TENM2: variants seen among roughly 807,000 people sequenced by gnomAD.
The protein encoded by TENM2 is teneurin-2.
A neutral mutation model predicts 245.2 loss-of-function variants in TENM2; 52 were observed. The ratio of observed to expected loss-of-function variants is 0.21; its 90% CI spans 0.17 to 0.27. The LOEUF (loss-of-function observed/expected upper bound fraction) is 0.27, where lower values mean the gene tolerates loss of function less well. Ranked by LOEUF, TENM2 falls within the 10% of genes least tolerant of loss-of-function variation. TENM2 has a pLI of 1.00. For synonymous variants in TENM2, 1,363 were observed against 1,438.9 expected, an observed-to-expected ratio of 0.95 and a Z score of 1.19; for missense variants, 3,046 against 3,666.8, an observed-to-expected ratio of 0.83 and a Z score of 4.37.
chr5:166,999,717 A>G, the TENM2 span, among the ~76,000 whole-genome samples: 2 of 152,140 alleles, frequency 1.3e-5, no homozygotes, highest in African/African-American at 4.8e-5. Context: ...GAACAAAACA[A>G]GTTTTCGAGG....
At chr5:167,661,209 G>A (rs368652849) in intron 2 of TENM2, among the ~76,000 whole-genome samples, 16 of 152,276 alleles carry the variant, frequency 1.1e-4, no homozygotes, top group African/African-American at 3.1e-4. Context: ...AAATTTGAAA[G>A]CATTAATTCC....
chr5:168,257,458 C>G (rs1459393655), intron 27 of TENM2, among the ~76,000 whole-genome samples: 1 of 152,090 alleles, frequency 6.6e-6, no homozygotes, highest in African/African-American at 2.4e-5. Context: ...AAGAACAGCA[C>G]AGAGGCAGGA....
intron 5 of TENM2, among the ~76,000 whole-genome samples, chr5:167,996,274 T>A (rs1784040918): frequency 6.6e-6 from 1 of 151,864 alleles, no homozygotes; most frequent in Admixed American, 6.6e-5. Flanking sequence ...AGATGCCCAG[T>A]TCCTACCCAC....
chr5:167,859,383 G>C (rs1204253106), intron 2 of TENM2, among the ~76,000 whole-genome samples: 1 of 145,928 alleles, frequency 6.9e-6, no homozygotes, highest in African/African-American at 2.5e-5. Context: ...GGAGGTGGGG[G>C]GGGTCAGCCC....
chr5:168,112,271 A>G (rs1426347077), intron 9 of TENM2, among the ~76,000 whole-genome samples: 2 of 152,046 alleles, frequency 1.3e-5, no homozygotes, highest in East Asian at 1.9e-4. Context: ...GGTTCGTTAC[A>G]TAGGTAAACT....
intron 2 of TENM2, among the ~76,000 whole-genome samples, chr5:167,869,417 C>T (rs1475662096): frequency 1.3e-5 from 2 of 152,106 alleles, no homozygotes; most frequent in African/African-American, 4.8e-5. Flanking sequence ...TTGATTCTTA[C>T]CTTTGGGTAT....
intron 4 of TENM2, among the ~76,000 whole-genome samples, chr5:167,962,976 G>A (rs1257377869): frequency 6.6e-6 from 1 of 152,152 alleles, no homozygotes; most frequent in Non-Finnish European, 1.5e-5. Context: ...GCTATGTTAG[G>A]TACTGGCAAG....
At chr5:167,863,828 G>A (rs148062848) in intron 2 of TENM2, among the ~76,000 whole-genome samples, 144 of 152,208 alleles carry the variant, frequency 9.5e-4, no homozygotes, top group African/African-American at 3.3e-3. Context: ...CTTCCTAACT[G>A]TACGCTAGTG....
At chr5:167,483,359 C>T (rs891954306) in intron 2 of TENM2, among the ~76,000 whole-genome samples, 2 of 152,122 alleles carry the variant, frequency 1.3e-5, no homozygotes, top group Non-Finnish European at 2.9e-5. Context: ...AAGATAGTCT[C>T]AGATGCATAA....
chr5:167,373,333 A>G (rs1199283500), intron 1 of TENM2, among the ~76,000 whole-genome samples: 1 of 152,234 alleles, frequency 6.6e-6, no homozygotes, highest in Non-Finnish European at 1.5e-5. Flanking sequence ...GATATCGAGT[A>G]TGTAGGCTAC....
the TENM2 span, among the ~76,000 whole-genome samples, chr5:167,272,161 C>T: frequency 6.6e-6 from 1 of 152,302 alleles, no homozygotes; most frequent in African/African-American, 2.4e-5. Flanking sequence ...ATCTCAGCTT[C>T]TCTCTCTTTC....
intron 5 of TENM2, among the ~76,000 whole-genome samples, chr5:168,022,976 C>A (rs1786292873): frequency 6.6e-6 from 1 of 152,110 alleles, no homozygotes; most frequent in Non-Finnish European, 1.5e-5. Context: ...ACACCCCACA[C>A]CCCACTCCCC....
intron 2 of TENM2, among the ~76,000 whole-genome samples, chr5:167,402,878 G>A (rs1048312845): frequency 6.6e-6 from 1 of 152,098 alleles, no homozygotes; most frequent in African/African-American, 2.4e-5. Context: ...TGGGTGACCA[G>A]TCTTAAATGA....
chr5:167,402,166 T>A (rs1347032151), intron 2 of TENM2, among the ~76,000 whole-genome samples: 1 of 152,192 alleles, frequency 6.6e-6, no homozygotes, highest in African/African-American at 2.4e-5. Context: ...GCTGATTTTT[T>A]AATCTTTCTG....
intron 2 of TENM2, among the ~76,000 whole-genome samples, chr5:167,436,783 C>T (rs555325843): frequency 3.3e-5 from 5 of 152,260 alleles, no homozygotes; most frequent in East Asian, 1.9e-4. Context: ...GCATACAGCT[C>T]GGGCTCTTCC....
the TENM2 span, among the ~76,000 whole-genome samples, chr5:167,095,165 A>G: frequency 6.6e-6 from 1 of 152,202 alleles, no homozygotes; most frequent in Non-Finnish European, 1.5e-5. Context: ...AGAGACTGAT[A>G]ATGAGAAATT....
chr5:168,204,643 C>A, intron 19 of TENM2, 22 bp downstream of exon 21: 1 of 1,610,508 alleles, frequency 6.2e-7, no homozygotes, highest in South Asian at 1.1e-5. Flanking sequence ...CACAGGCAAC[C>A]TTCTTTTGCT....
At chr5:167,893,908 C>G (rs1046876279) in intron 3 of TENM2, among the ~76,000 whole-genome samples, 3 of 152,080 alleles carry the variant, frequency 2.0e-5, no homozygotes, top group African/African-American at 7.2e-5. Flanking sequence ...CTCTTGAATA[C>G]GGTAAAATCA....
At chr5:167,580,784 A>G (rs1775035129) in intron 2 of TENM2, among the ~76,000 whole-genome samples, 1 of 152,204 alleles carries the variant, frequency 6.6e-6, no homozygotes, top group Non-Finnish European at 1.5e-5. Context: ...GAGGCCAGGA[A>G]TTGAGACCAG....
Sources: gnomAD v4.1 joint callset for allele counts (sites outside exome capture counted in the v4.1 genomes callset) on GRCh38, gnomAD v4.1.1 for gene constraint, MANE v1.5 for transcripts, NCBI Gene and HGNC (gene_info 2026-07-23, HGNC 2026-07-21) for gene names.